The following FAAP20 variants were observed in gnomAD, a reference collection of about 807,000 sequenced individuals.
FAAP20 encodes the protein Fanconi anemia core complex-associated protein 20.
In FAAP20, 12 loss-of-function variants were observed where a neutral mutation model predicts 16.2. That is an observed-to-expected ratio of 0.74 (90% confidence interval 0.48 to 1.20). FAAP20 has a LOEUF of 1.20. Among genes scored for constraint, FAAP20 ranks in the 50% most tolerant of loss-of-function variants. The probability of loss-of-function intolerance (pLI) is 0.00; values close to 1 mark genes in which losing one functional copy is unlikely to be tolerated. For synonymous variants in FAAP20, 141 were observed against 110.7 expected (o/e 1.27, Z -1.72); for missense variants, 288 against 245.8 (o/e 1.17, Z -1.15).
chr1:2,192,896 G>T (rs1350532404), intron 3 of FAAP20: 1 of 1,302,736 alleles, frequency 7.7e-7, no homozygotes, highest in Non-Finnish European at 1.0e-6. Context: ...CACCGTGCCC[G>T]GCCTTTTCTT....
chr1:2,194,196 C>T (rs1688597592), intron 1 of FAAP20, 63 bp from the exon 2 acceptor site: 5 of 1,589,076 alleles, frequency 3.1e-6, no homozygotes, highest in South Asian at 1.1e-5. Context: ...GGTGGGGAGA[C>T]CCGGGAGGGC....
intron 3 of FAAP20, chr1:2,192,377 C>T (rs1485982683): frequency 9.0e-6 from 9 of 994,806 alleles, no homozygotes; most frequent in African/African-American, 3.5e-5. Context: ...TCATTGACGC[C>T]TACTTAGGAA....
In FAAP20 at chr1:2,193,019, C is replaced by G. The variant is rs775716114; in HGVS notation, c.470+620G>C. The G allele has an allele frequency of 2.3e-6, 3 of 1,302,150 alleles. No individual in the cohort carries two copies. The South Asian group carries it at 3.7e-5, about 16-fold the overall frequency. 80.7% of individuals were successfully genotyped at this position (1,302,150 alleles called of 1,614,324 possible). A position where few individuals can be genotyped will look rare whatever the true frequency, so the allele number is the denominator to read the frequency against. The stretch of plus-strand genomic sequence containing the variant: ...CAGGCATGACTGAAGGACCTGGTCT[C>G]CATAAGCTCTGAAACCTGCCGCCCA... On this transcript the variant is annotated intron_variant, in intron 3 of 3. Coordinates refer to ENST00000378546, the MANE Select transcript of FAAP20 (RefSeq NM_182533.4).
At chr1:2,193,529 CAG>C in intron 3 of FAAP20, 108 bp downstream of exon 3, 1 of 1,482,726 alleles carries the variant, frequency 6.7e-7, no homozygotes, top group East Asian at 2.3e-5. Flanking sequence ...CAGTGTGAAA[CAG>C]GGCTTTAAAA....
upstream of FAAP20, chr1:2,203,443 G>A: frequency 1.0e-6 from 1 of 985,806 alleles, no homozygotes; most frequent in South Asian, 4.7e-5. Context: ...CACCGGTGCA[G>A]GCCACCCTGC....
chr1:2,193,629 G>A lies in FAAP20; in HGVS notation c.470+10C>T. On this transcript the variant is annotated intron_variant, in intron 3 of 3. Transcript: ENST00000378546. Reference sequence around the variant, plus strand: ...GATAACCGGGCCGGGCGCAGGGGTGGCCTACTCACCTGGGGGCGAACTCCT... The same window carrying A: ...GATAACCGGGCCGGGCGCAGGGGTGACCTACTCACCTGGGGGCGAACTCCT... 1.3e-6 allele frequency: 2 copies of A among 1,591,984 alleles called. No homozygotes were observed. Among genetic ancestry groups the A allele is most frequent in the Non-Finnish European group, 1.7e-6 (2 of 1,175,076 alleles).
At chr1:2,199,214 C>G, upstream of FAAP20, 1 of 1,166,134 alleles carries the variant, frequency 8.6e-7, no homozygotes, top group Admixed American at 4.1e-5. The surrounding 1 kb of genome is among the most constrained non-coding windows in gnomAD (Gnocchi z 4.5). Flanking sequence ...CAGGGCCAGC[C>G]GCCCTCTCTC....
chr1:2,203,083 G>A (rs1265567343), upstream of FAAP20, among the ~76,000 whole-genome samples: 2 of 152,194 alleles, frequency 1.3e-5, no homozygotes, highest in African/African-American at 4.8e-5. Flanking sequence ...TCCCCCTTCT[G>A]CTTTTCTCCC....
chr1:2,203,121 G>A (rs1032303432), upstream of FAAP20, among the ~76,000 whole-genome samples: 1 of 152,064 alleles, frequency 6.6e-6, no homozygotes, highest in Non-Finnish European at 1.5e-5. Flanking sequence ...CCTTCCCCGG[G>A]GCCAGAGGGC....
chr1:2,188,896 T>G (rs1210699864), downstream of FAAP20, among the ~76,000 whole-genome samples: 1 of 151,200 alleles, frequency 6.6e-6, no homozygotes, highest in Non-Finnish European at 1.5e-5. Flanking sequence ...TCCCAGCTAC[T>G]CGGGAGGCTG....
downstream of FAAP20, among the ~76,000 whole-genome samples, chr1:2,210,452 C>T (rs1322322009): frequency 6.6e-6 from 1 of 152,324 alleles, no homozygotes; most frequent in Non-Finnish European, 1.5e-5. Flanking sequence ...AGACCCTGCC[C>T]TCCTACCCTC....
At chr1:2,204,367 T>C (rs1391531429), upstream of FAAP20, among the ~76,000 whole-genome samples, 1 of 152,250 alleles carries the variant, frequency 6.6e-6, no homozygotes, top group African/African-American at 2.4e-5. Context: ...TCAGAGGGAT[T>C]TGCCCCCTTC....
At chr1:2,198,788 C>T, upstream of FAAP20, 1 of 1,289,380 alleles carries the variant, frequency 7.8e-7, no homozygotes, top group Admixed American at 2.3e-5. Context: ...CCCGGGCAGC[C>T]TTCTGACGCA....
downstream of FAAP20, among the ~76,000 whole-genome samples, chr1:2,211,098 C>T (rs537621342): frequency 8.5e-5 from 13 of 152,196 alleles, no homozygotes; most frequent in East Asian, 1.4e-3. Flanking sequence ...GGCACCACGG[C>T]GGGTGCCTAG....
At chr1:2,204,583 G>A (rs1350114004), upstream of FAAP20, among the ~76,000 whole-genome samples, 2 of 152,190 alleles carry the variant, frequency 1.3e-5, no homozygotes, top group Non-Finnish European at 2.9e-5. Flanking sequence ...TGCTCTGAGG[G>A]CCCCGCCCGC....
At chr1:2,198,088 G>A (rs1199781878), upstream of FAAP20, 3 of 1,291,288 alleles carry the variant, frequency 2.3e-6, no homozygotes, top group Non-Finnish European at 1.0e-6. Flanking sequence ...AGTTGAACCT[G>A]ATGAAAACGC....
chr1:2,188,123 G>C (rs1687779174), downstream of FAAP20, among the ~76,000 whole-genome samples: 1 of 152,202 alleles, frequency 6.6e-6, no homozygotes. Context: ...TCTGCCCCCA[G>C]ATCTGTTCCC....
upstream of FAAP20, chr1:2,199,313 A>C (rs115732862): frequency 1.2e-3 from 1,250 of 1,061,968 alleles, 17 homozygotes; most frequent in African/African-American, 0.02. This position sits in a 1 kb window ranked among gnomAD's most constrained non-coding sequence, Gnocchi z 4.5. Context: ...CAGCTTCCGC[A>C]CCACTCAGCC....
In FAAP20 at chr1:2,189,676, C is replaced by T. The variant is rs1426591908; in HGVS notation, c.*33G>A. On this transcript the variant is annotated 3_prime_UTR_variant, in exon 4 of 4. Transcript: ENST00000378546. ...GCTGGCGGGGGAGAGCGTGTCCGGG[C>T]GCCGCACTCTGCGCAGGGCTCTTGG... 1.1e-5 allele frequency: 17 copies of T among 1,586,612 alleles called. No individual in the cohort carries two copies. The highest frequency in any genetic ancestry group is 1.4e-5 in the Non-Finnish European group (16 of 1,159,268).
Sources: allele counts gnomAD v4.1 joint callset (sites outside exome capture counted in the v4.1 genomes callset), GRCh38; gene constraint gnomAD v4.1.1; non-coding constraint Gnocchi (gnomAD v3.1); transcripts MANE v1.5; gene names NCBI Gene and HGNC (gene_info 2026-07-23, HGNC 2026-07-21).